Variants in COL19A1 observed in about 807,000 individuals in gnomAD.
The protein encoded by COL19A1 is collagen type XIX alpha 1 chain.
A neutral mutation model predicts 190.2 loss-of-function variants in COL19A1; 159 were observed. The observed-to-expected ratio is 0.84, with a 90% CI of 0.73 to 0.95. COL19A1 has a LOEUF of 0.95. COL19A1 is among the 40% of genes least tolerant of loss of function. The pLI, the probability that COL19A1 is intolerant of heterozygous loss-of-function variation, is 0.00. For synonymous variants in COL19A1, 509 were observed against 458.9 expected (o/e 1.11, Z -1.39); for missense variants, 1,418 against 1,431.9 (o/e 0.99, Z 0.16).
chr6:69,962,688 G>T, intron 10 of COL19A1, 138 bp from the exon 11 acceptor site: 1 of 483,518 alleles, frequency 2.1e-6, no homozygotes. Context: ...AACAATATTG[G>T]TTTAGAGCTT....
intron 12 of COL19A1, among the ~76,000 whole-genome samples, chr6:70,024,771 GGCACTAGCCCCA>G (rs1778639141): frequency 6.6e-6 from 1 of 152,162 alleles, no homozygotes; most frequent in South Asian, 2.1e-4. Context: ...CCAGAGAATA[GGCACTAGCCCCA>G]GTGGCTTGTA....
rs888681741 is a variant in COL19A1 at position 70,110,818 on chromosome 6, C to T, written c.1278+8596C>T. 5.3e-5 allele frequency among the ~76,000 whole-genome samples: 8 copies of T among 152,240 alleles called. No homozygotes were observed. The East Asian group carries it at 1.2e-3, about 22-fold the overall frequency. ...TGGAAAAAATATTATATTTGTACAG[C>T]CACTGACTGCTTGTTTCATCTTGTA... On this transcript the variant is annotated intron_variant, in intron 16 of 50. Transcript: ENST00000620364.
In COL19A1 at chr6:70,113,992, A is replaced by G. The variant is rs545019760; in HGVS notation, c.1279-7888A>G. ...CAGCTTCCCAAGTAGCTGGGACTAC[A>G]GGTGCACGCTAACATGCCCTGCTAA... On this transcript the variant is annotated intron_variant, in intron 16 of 50. Coordinates refer to ENST00000620364, the MANE Select transcript of COL19A1 (RefSeq NM_001858.6). 1.6e-4 allele frequency among the ~76,000 whole-genome samples: 24 copies of G among 152,002 alleles called. No homozygotes were observed. The South Asian group carries it at 4.4e-3, about 28-fold the overall frequency.
chr6:70,204,962 C>T (rs868010314), intron 49 of COL19A1, among the ~76,000 whole-genome samples: 1 of 151,946 alleles, frequency 6.6e-6, no homozygotes, highest in South Asian at 2.1e-4. Flanking sequence ...TCCTGCTGTT[C>T]ACATACGTTA....
At chr6:70,177,846 A>G (rs1765912368) in intron 42 of COL19A1, among the ~76,000 whole-genome samples, 1 of 152,194 alleles carries the variant, frequency 6.6e-6, no homozygotes. Flanking sequence ...GTGTTCACCC[A>G]GGTGTGTCTA....
intron 14 of COL19A1, among the ~76,000 whole-genome samples, chr6:70,062,448 C>T (rs1313368304): frequency 2.0e-5 from 3 of 151,930 alleles, no homozygotes; most frequent in Admixed American, 2.0e-4. Flanking sequence ...TTTGTCACCA[C>T]CAGGCCTGCC....
At chr6:70,117,254 C>T (rs1259153551) in intron 16 of COL19A1, among the ~76,000 whole-genome samples, 2 of 152,064 alleles carry the variant, frequency 1.3e-5, no homozygotes, top group South Asian at 4.2e-4. Context: ...CTAAGTATAC[C>T]GGGTGAATTG....
chr6:69,870,334 A>C (rs1767746065), intron 1 of COL19A1, among the ~76,000 whole-genome samples: 1 of 152,234 alleles, frequency 6.6e-6, no homozygotes, highest in Non-Finnish European at 1.5e-5. Flanking sequence ...TGCAGTATAA[A>C]GTGTGCAGAA....
At chr6:70,032,003 A>G (rs979383026) in intron 12 of COL19A1, among the ~76,000 whole-genome samples, 3 of 152,184 alleles carry the variant, frequency 2.0e-5, no homozygotes, top group Non-Finnish European at 4.4e-5. Flanking sequence ...GGGAATTGCA[A>G]TAAGGGAGAC....
intron 18 of COL19A1, among the ~76,000 whole-genome samples, chr6:70,136,479 T>C (rs1258682218): frequency 6.6e-6 from 1 of 152,160 alleles, no homozygotes; most frequent in Non-Finnish European, 1.5e-5. Context: ...ATCATATGTA[T>C]CAATAGAGAT....
At chr6:70,056,963 T>G (rs575296839) in intron 14 of COL19A1, among the ~76,000 whole-genome samples, 1 of 152,252 alleles carries the variant, frequency 6.6e-6, no homozygotes, top group South Asian at 2.1e-4. Flanking sequence ...AGCCAAAAAT[T>G]ACTAGATTAA....
At chr6:70,122,653 T>C (rs975500958) in intron 17 of COL19A1, among the ~76,000 whole-genome samples, 8 of 152,196 alleles carry the variant, frequency 5.3e-5, no homozygotes, top group South Asian at 2.1e-4. Flanking sequence ...TGGTTCATCA[T>C]TGATTTCTTG....
At chr6:69,936,460 T>C (rs972549961) in intron 7 of COL19A1, among the ~76,000 whole-genome samples, 1 of 152,200 alleles carries the variant, frequency 6.6e-6, no homozygotes, top group African/African-American at 2.4e-5. Context: ...TTGTACAAAT[T>C]ATTTTATTGC....
At chr6:70,108,482 A>G (rs988694754) in intron 16 of COL19A1, among the ~76,000 whole-genome samples, 1 of 152,150 alleles carries the variant, frequency 6.6e-6, no homozygotes, top group African/African-American at 2.4e-5. Flanking sequence ...TCAAAGAATG[A>G]CAATAGCTCT....
At position 70,209,974 on chromosome 6, in the gene COL19A1, G is replaced by T. The variant is rs892849341; in HGVS notation, c.*2700G>T. 6.6e-6 allele frequency: 1 copy of T among 152,138 alleles called. No individual in the cohort carries two copies. Among genetic ancestry groups the T allele is most frequent in the African/African-American group, 2.4e-5 (1 of 41,444 alleles). The allele number at this position is 152,138 out of a possible 1,614,324, so 9.4% of individuals were successfully genotyped here. On this transcript the variant is annotated 3_prime_UTR_variant, in exon 51 of 51. Coordinates refer to ENST00000620364, the MANE Select transcript of COL19A1 (RefSeq NM_001858.6). ...TAGGGTGGGAAGTTTTCCTCTAAAT[G>T]ACTTGATGGTTGCCAAATCCCTTGC... is the stretch of plus-strand genomic sequence containing the variant.
intron 14 of COL19A1, among the ~76,000 whole-genome samples, chr6:70,067,608 G>C (rs765070061): frequency 2.6e-5 from 4 of 152,024 alleles, no homozygotes; most frequent in Admixed American, 2.6e-4. Context: ...GGAATTGCTG[G>C]TCTAGAGAAT....
At chr6:69,879,680 C>T in intron 2 of COL19A1, 22 bp downstream of exon 2, 1 of 1,604,534 alleles carries the variant, frequency 6.2e-7, no homozygotes, top group Non-Finnish European at 8.5e-7. Context: ...AACTCTTTGC[C>T]TAATCACCAA....
chr6:69,971,255 G>A (rs935350227), intron 11 of COL19A1, among the ~76,000 whole-genome samples: 6 of 152,086 alleles, frequency 3.9e-5, no homozygotes, highest in African/African-American at 1.4e-4. Flanking sequence ...ATATAAATAC[G>A]TAATATTTTA....
intron 17 of COL19A1, 80 bp downstream of exon 17, chr6:70,122,022 C>A: frequency 1.1e-6 from 1 of 872,506 alleles, no homozygotes; most frequent in South Asian, 1.8e-5. Context: ...CTTATTAATT[C>A]CTAACTTCTC....
Sources: gnomAD v4.1 joint callset for allele counts (sites outside exome capture counted in the v4.1 genomes callset) on GRCh38, gnomAD v4.1.1 for gene constraint, MANE v1.5 for transcripts, NCBI Gene and HGNC (gene_info 2026-07-23, HGNC 2026-07-21) for gene names.